TNNI3K: variants seen among roughly 807,000 people sequenced by gnomAD.
The protein encoded by TNNI3K is TNNI3 interacting kinase.
Under a neutral mutation model 114.5 loss-of-function variants are expected in TNNI3K, and 140 were observed. The ratio of observed to expected loss-of-function variants is 1.22; its 90% CI spans 1.07 to 1.41. The LOEUF (loss-of-function observed/expected upper bound fraction) is 1.41, where lower values mean the gene tolerates loss of function less well. TNNI3K is among the 40% of genes most tolerant of loss of function. The pLI, the probability that TNNI3K is intolerant of heterozygous loss-of-function variation, is 0.00. For missense variants in TNNI3K, 1,125 were observed against 1,007.6 expected, an observed-to-expected ratio of 1.12 and a Z score of -1.58; for synonymous variants, 347 against 347.5, an observed-to-expected ratio of 1.00 and a Z score of 0.02.
intron 17 of TNNI3K, among the ~76,000 whole-genome samples, chr1:74,421,143 C>T (rs1665375444): frequency 6.6e-6 from 1 of 152,066 alleles, no homozygotes; most frequent in East Asian, 1.9e-4. Context: ...TCTTGAGTCT[C>T]TATGAAGTTT....
intron 7 of TNNI3K, among the ~76,000 whole-genome samples, chr1:74,338,775 C>T (rs1019712984): frequency 1.3e-5 from 2 of 152,118 alleles, no homozygotes; most frequent in Non-Finnish European, 2.9e-5. Context: ...CACTTTATTT[C>T]GTAAAATGTA....
chr1:74,434,991 T>C (rs1282304061), intron 17 of TNNI3K, among the ~76,000 whole-genome samples: 1 of 151,884 alleles, frequency 6.6e-6, no homozygotes, highest in East Asian at 1.9e-4. Context: ...TGAAGCAAAA[T>C]AGTTAAGGGT....
Position 74,343,149 on chromosome 1 carries a change from A to C in TNNI3K, c.902A>C (p.Glu301Ala). 6.2e-7 allele frequency: 1 copy of C among 1,612,858 alleles called. No homozygotes were observed. The highest frequency in any genetic ancestry group is 8.5e-7 in the Non-Finnish European group (1 of 1,179,576). ...QISGTESLTK[E>A]NIFSETAFHS... ...TCAGGAACAGAAAGTCTGACTAAGG[A>C]AAACATCTTCAGTGAAACAGCTTTT... Residue 301 changes from glutamate (E) to alanine (A), a missense_variant, in exon 9 of 25, where the codon GAA becomes GCA. Physicochemically the swap from Glu to Ala is moderately radical, Grantham distance 107. Transcript: ENST00000326637.
At chr1:74,269,750 A>G (rs1656228342) in intron 4 of TNNI3K, among the ~76,000 whole-genome samples, 1 of 151,846 alleles carries the variant, frequency 6.6e-6, no homozygotes, top group Non-Finnish European at 1.5e-5. Flanking sequence ...GATGCCATTG[A>G]TAGGCAAAAT....
chr1:74,465,067 C>T, intron 21 of TNNI3K: 1 of 969,974 alleles, frequency 1.0e-6, no homozygotes, highest in Non-Finnish European at 1.2e-6. Flanking sequence ...TGTCAAGCAC[C>T]TATTCTAGAA....
At chr1:74,527,964 G>A (rs1646525101) in intron 23 of TNNI3K, among the ~76,000 whole-genome samples, 1 of 152,188 alleles carries the variant, frequency 6.6e-6, no homozygotes, top group Non-Finnish European at 1.5e-5. Context: ...TTCCACAGGA[G>A]GTTGGGGCTG....
intron 17 of TNNI3K, among the ~76,000 whole-genome samples, chr1:74,400,239 G>T (rs1043015708): frequency 6.6e-6 from 1 of 152,108 alleles, no homozygotes; most frequent in African/African-American, 2.4e-5. Flanking sequence ...TAGCTTTTAG[G>T]CTAGTCACCA....
intron 5 of TNNI3K, among the ~76,000 whole-genome samples, chr1:74,297,522 CGTGTGT>C (rs10633137): frequency 6.3e-4 from 91 of 145,460 alleles, no homozygotes; most frequent in Non-Finnish European, 1.0e-3. Context: ...TGTGTGTGTG[CGTGTGT>C]GTGTGTGTGT....
In TNNI3K at chr1:74,354,033, G is replaced by T. The variant is rs200827528; in HGVS notation, c.1081G>T (p.Asp361Tyr). The T allele has an allele frequency of 1.2e-6, 2 of 1,614,036 alleles. No homozygotes were observed. The highest frequency in any genetic ancestry group is 2.2e-5 in the South Asian group (2 of 91,068). Residue 361 changes from aspartate (D) to tyrosine (Y), a missense_variant, in exon 11 of 25, where the codon GAT (aspartate) becomes TAT (tyrosine). Physicochemically the swap from Asp to Tyr is radical, Grantham distance 160. Transcript: ENST00000326637. ...CATTCGCCTGGTTCAGTTCTTACTG[G>T]ATAATGGAGCTGATATGAATCTAGT... is the stretch of plus-strand genomic sequence containing the variant. ...GHIRLVQFLL[D>Y]NGADMNLVAC...
chr1:74,497,936 C>G (rs562663884), intron 23 of TNNI3K, among the ~76,000 whole-genome samples: 4 of 152,230 alleles, frequency 2.6e-5, no homozygotes, highest in African/African-American at 7.2e-5. Context: ...TACTGTCGCT[C>G]TCTCTCTTCT....
chr1:74,383,781 T>A (rs532222116), intron 17 of TNNI3K, among the ~76,000 whole-genome samples: 1 of 152,164 alleles, frequency 6.6e-6, no homozygotes, highest in Non-Finnish European at 1.5e-5. Context: ...ATATTAATGT[T>A]CTTTATGCCA....
At chr1:74,536,907 T>C (rs1000506072) in intron 23 of TNNI3K, among the ~76,000 whole-genome samples, 1 of 152,194 alleles carries the variant, frequency 6.6e-6, no homozygotes, top group South Asian at 2.1e-4. Context: ...ATGAATCTTC[T>C]AAATCCGGGC....
intron 17 of TNNI3K, among the ~76,000 whole-genome samples, chr1:74,435,297 G>A (rs372735148): frequency 3.9e-5 from 6 of 151,980 alleles, no homozygotes; most frequent in African/African-American, 1.2e-4. Flanking sequence ...CCTTATTGAG[G>A]TATAATTAAC....
At chr1:74,334,887 G>C (rs748788670) in intron 6 of TNNI3K, among the ~76,000 whole-genome samples, 32 of 152,180 alleles carry the variant, frequency 2.1e-4, no homozygotes, top group Non-Finnish European at 4.3e-4. Flanking sequence ...TTTATGTAAA[G>C]TGAAGACCTA....
At chr1:74,282,702 A>G (rs527357415) in intron 5 of TNNI3K, among the ~76,000 whole-genome samples, 59 of 152,118 alleles carry the variant, frequency 3.9e-4, no homozygotes, top group Non-Finnish European at 5.0e-4. Flanking sequence ...CTGTAAAAAT[A>G]ATTTGGAAGC....
At chr1:74,325,821 GAA>G (rs996997101) in intron 5 of TNNI3K, among the ~76,000 whole-genome samples, 8 of 152,100 alleles carry the variant, frequency 5.3e-5, no homozygotes, top group Admixed American at 3.9e-4. Context: ...AAAATAACTG[GAA>G]AAAATATCAA....
intron 17 of TNNI3K, among the ~76,000 whole-genome samples, chr1:74,399,581 G>A (rs1311726604): frequency 6.6e-6 from 1 of 152,028 alleles, no homozygotes; most frequent in Non-Finnish European, 1.5e-5. Context: ...GGGCCGGGGG[G>A]CGGGCGGTGG....
intron 5 of TNNI3K, among the ~76,000 whole-genome samples, chr1:74,273,056 C>A (rs994880316): frequency 6.6e-6 from 1 of 151,946 alleles, no homozygotes; most frequent in African/African-American, 2.4e-5. Flanking sequence ...AATACACACA[C>A]ATATACGCAC....
chr1:74,539,499 C>T (rs539436050), intron 23 of TNNI3K, among the ~76,000 whole-genome samples: 50 of 152,012 alleles, frequency 3.3e-4, no homozygotes, highest in Non-Finnish European at 6.6e-4. Context: ...GTCAGATGAA[C>T]TGGGAAGGAA....
Sources: gnomAD v4.1 joint callset for allele counts (sites outside exome capture counted in the v4.1 genomes callset) on GRCh38, gnomAD v4.1.1 for gene constraint, MANE v1.5 for transcripts, NCBI Gene and HGNC (gene_info 2026-07-23, HGNC 2026-07-21) for gene names.